Variants in FAT3 observed in about 807,000 individuals in gnomAD.
FAT3 encodes the protein FAT atypical cadherin 3.
In FAT3, 95 loss-of-function variants were observed where a neutral mutation model predicts 310.2. The observed-to-expected ratio is 0.31, with a 90% confidence interval of 0.26 to 0.36. FAT3 has a LOEUF of 0.36. Among genes scored for constraint, FAT3 ranks in the 10% least tolerant of loss-of-function variants. The pLI is 1.00. For missense variants in FAT3, 5,408 were observed against 5,715.6 expected (o/e 0.95, Z 1.74); for synonymous variants, 2,314 against 2,192.9 (o/e 1.06, Z -1.54).
chr11:92,330,159 C>A (rs1436550668), intron 1 of FAT3, among the ~76,000 whole-genome samples: 3 of 152,160 alleles, frequency 2.0e-5, no homozygotes, highest in African/African-American at 7.2e-5. Flanking sequence ...ATGCACTAAA[C>A]ATTGAAAGAT....
At chr11:92,266,566 A>G (rs1945959230) in intron 1 of FAT3, among the ~76,000 whole-genome samples, 1 of 152,134 alleles carries the variant, frequency 6.6e-6, no homozygotes, top group Admixed American at 6.6e-5. Context: ...GGAATTTAGT[A>G]GAACATTTTG....
Position 92,831,768 on chromosome 11 carries a change from C to A in FAT3, c.9628C>A (p.Gln3210Lys). The part of the protein sequence containing the change: ...SYNISVRATD[Q>K]SPGQSLSSLT... ...CAACATCAGCGTGCGGGCCACTGACCAGAGTCCTGGACAGTCCCTGTCCTC... is the reference window on the plus strand; with the variant it reads ...CAACATCAGCGTGCGGGCCACTGACAAGAGTCCTGGACAGTCCCTGTCCTC... The change falls in exon 14 of 28, where the codon CAG (glutamine) becomes AAG (lysine). Residue 3210 changes from glutamine to lysine, a missense_variant. Around this residue, in one of 5 missense-constraint regions of FAT3, gnomAD observed 4,588 missense variants for 4,809.8 expected, o/e 0.95. Coordinates refer to ENST00000525166, the MANE Select transcript of FAT3 (RefSeq NM_001367949.2). 6.2e-7 allele frequency: 1 copy of A among 1,613,566 alleles called. No homozygotes were observed. Among genetic ancestry groups the A allele is most frequent in the Non-Finnish European group, 8.5e-7 (1 of 1,179,756 alleles).
intron 7 of FAT3, among the ~76,000 whole-genome samples, chr11:92,787,663 T>A (rs1234045471): frequency 1.3e-5 from 2 of 150,404 alleles, no homozygotes; most frequent in Non-Finnish European, 3.0e-5. Context: ...AGGAATAAAT[T>A]ATAATTTATT....
chr11:92,799,635 A>G lies in FAT3; in HGVS notation c.6622A>G (p.Ile2208Val). ...CAGAATGAACACACCCATCCTAAGCATCAATGCCACCAGTCCAGAAGGCCA... is the reference window on the plus strand; with the variant it reads ...CAGAATGAACACACCCATCCTAAGCGTCAATGCCACCAGTCCAGAAGGCCA... Reference protein sequence around the residue: ...DIRMNTPILSINATSPEGQGI... With the variant: ...DIRMNTPILSVNATSPEGQGI... Residue 2208 changes from isoleucine (I) to valine (V), a missense_variant, in exon 10 of 28, where the codon ATC becomes GTC. This residue lies in a region of FAT3 where 4,588 missense variants were observed against 4,809.8 expected (regional missense o/e 0.95). Coordinates refer to ENST00000525166, the MANE Select transcript of FAT3 (RefSeq NM_001367949.2). 6.2e-7 allele frequency: 1 copy of G among 1,613,858 alleles called. No homozygotes were observed. Among genetic ancestry groups the G allele is most frequent in the East Asian group, 2.2e-5 (1 of 44,848 alleles).
intron 5 of FAT3, 131 bp from the exon 6 acceptor site, chr11:92,764,748 C>T (rs1946258900): frequency 1.3e-6 from 1 of 799,074 alleles, no homozygotes; most frequent in Admixed American, 2.7e-5. Flanking sequence ...CCCCAGACCT[C>T]TGCTCCTTTC....
At position 92,801,297 on chromosome 11, in the gene FAT3, A is replaced by G; in HGVS notation, c.8284A>G (p.Thr2762Ala). ...GGGCATATTCGTCATAGAACAGGAA[A>G]CAGGCACTATTAAGCTTGACAAACG... ...KGGIFVIEQE[T>A]GTIKLDKRLD... Residue 2762 changes from threonine (T) to alanine (A), a missense_variant, in exon 10 of 28, where the codon ACA becomes GCA. Transcript: ENST00000525166. 3 of 1,613,968 alleles carry G rather than the reference A, an allele frequency of 1.9e-6. No individual in the cohort carries two copies. Among genetic ancestry groups the G allele is most frequent in the Non-Finnish European group, 2.5e-6 (3 of 1,179,882 alleles).
chr11:92,634,358 G>A (rs1168629270), intron 3 of FAT3, among the ~76,000 whole-genome samples: 2 of 152,096 alleles, frequency 1.3e-5, no homozygotes, highest in African/African-American at 2.4e-5. Flanking sequence ...GTATTGTCAA[G>A]GAGTTTCCCA....
chr11:92,818,192 AAAAC>A (rs1344041647), intron 13 of FAT3, among the ~76,000 whole-genome samples: 1 of 152,228 alleles, frequency 6.6e-6, no homozygotes, highest in Non-Finnish European at 1.5e-5. Flanking sequence ...TTCCCGAAGG[AAAAC>A]AAACAAGGAA....
chr11:92,561,973 T>A (rs564560202), intron 3 of FAT3, among the ~76,000 whole-genome samples: 1 of 152,166 alleles, frequency 6.6e-6, no homozygotes, highest in Non-Finnish European at 1.5e-5. Context: ...CTCCTGCTCA[T>A]GAAGTAGGAG....
chr11:92,756,269 T>A (rs896511513), intron 4 of FAT3, among the ~76,000 whole-genome samples: 5 of 152,174 alleles, frequency 3.3e-5, no homozygotes, highest in African/African-American at 1.2e-4. Flanking sequence ...AATTTATAAA[T>A]TAGGCACAGT....
At chr11:92,320,452 G>A (rs914747251) in intron 1 of FAT3, among the ~76,000 whole-genome samples, 3 of 152,130 alleles carry the variant, frequency 2.0e-5, no homozygotes, top group African/African-American at 4.8e-5. Flanking sequence ...AAAATTATAG[G>A]TAACAAGTTC....
chr11:92,566,848 A>C (rs1205840927), intron 3 of FAT3, among the ~76,000 whole-genome samples: 1 of 152,256 alleles, frequency 6.6e-6, no homozygotes, highest in Non-Finnish European at 1.5e-5. Context: ...AGAAAGCTGA[A>C]ACTGGATCCC....
chr11:92,857,074 A>G, intron 19 of FAT3, 140 bp from the exon 20 acceptor site: 1 of 1,240,708 alleles, frequency 8.1e-7, no homozygotes, highest in Non-Finnish European at 1.1e-6. Flanking sequence ...TCTGAGTGGC[A>G]TCTTTGTGAC....
intron 2 of FAT3, among the ~76,000 whole-genome samples, chr11:92,492,008 G>T (rs978553032): frequency 6.6e-6 from 1 of 152,026 alleles, no homozygotes; most frequent in Non-Finnish European, 1.5e-5. Flanking sequence ...GTTTGATGGG[G>T]CAGCATGCAG....
chr11:92,785,630 A>G (rs1305127315), intron 7 of FAT3, among the ~76,000 whole-genome samples: 2 of 152,198 alleles, frequency 1.3e-5, no homozygotes, highest in Non-Finnish European at 2.9e-5. Context: ...TAGTACATAT[A>G]TAAACTTTAA....
At chr11:92,254,153 G>C (rs1398641399) in intron 1 of FAT3, among the ~76,000 whole-genome samples, 4 of 152,116 alleles carry the variant, frequency 2.6e-5, no homozygotes, top group Admixed American at 1.3e-4. Context: ...CCAGTATACT[G>C]TGCTCCCTAG....
intron 4 of FAT3, among the ~76,000 whole-genome samples, chr11:92,753,798 G>A (rs138244742): frequency 0.018 from 2,128 of 119,220 alleles, 149 homozygotes; most frequent in African/African-American, 0.058. Flanking sequence ...GTGTGTGTGT[G>A]TATATATATA....
rs1353970811 is a variant in FAT3 at position 92,315,512 on chromosome 11, T to TATAG, written c.-17-36583_-17-36582insTAGA. ...ATATATATATATATATATATATATATAGAGAGAGAGAGAGAGAGAGAGAGA... is the reference window on the plus strand; with the variant it reads ...ATATATATATATATATATATATATATATAGAGAGAGAGAGAGAGAGAGAGAGAGA... On this transcript the variant is annotated intron_variant, in intron 1 of 27. Coordinates refer to ENST00000525166, the MANE Select transcript of FAT3 (RefSeq NM_001367949.2). Among the ~76,000 whole-genome samples the TATAG allele has an allele frequency of 6.5e-3, 366 of 56,118 alleles. 1 individual carries two copies. Among genetic ancestry groups the TATAG allele is most frequent in the Non-Finnish European group, 8.7e-3 (260 of 30,022 alleles). The allele number at this position is 56,118 out of a possible 152,430, so 36.8% of individuals were successfully genotyped here. A position where few individuals can be genotyped will look rare whatever the true frequency, so the allele number is the denominator to read the frequency against.
chr11:92,744,821 C>A (rs2136036467), intron 4 of FAT3, among the ~76,000 whole-genome samples: 1 of 152,308 alleles, frequency 6.6e-6, no homozygotes, highest in African/African-American at 2.4e-5. Context: ...AGTTCATGAT[C>A]TCTACCTTAG....
Sources: gnomAD v4.1 joint callset for allele counts (sites outside exome capture counted in the v4.1 genomes callset) on GRCh38, gnomAD v4.1.1 for gene constraint, gnomAD v4.1.1 regional missense constraint, MANE v1.5 for transcripts, NCBI Gene and HGNC (gene_info 2026-07-23, HGNC 2026-07-21) for gene names.